Variants in PLEKHA5 observed in about 807,000 individuals in gnomAD.
The protein encoded by PLEKHA5 is pleckstrin homology domain containing A5.
In PLEKHA5, 55 loss-of-function variants were observed where a neutral mutation model predicts 181.9. That is an observed-to-expected ratio of 0.30 (90% CI 0.24 to 0.38). The LOEUF is 0.38. Ranked by LOEUF, PLEKHA5 falls within the 10% of genes least tolerant of loss-of-function variation. The probability of loss-of-function intolerance (pLI) is 1.00; values close to 1 mark genes in which losing one functional copy is unlikely to be tolerated. For missense variants in PLEKHA5, 1,432 were observed against 1,549.5 expected (o/e 0.92, Z 1.27); for synonymous variants, 535 against 529.4 (o/e 1.01, Z -0.15).
chr12:19,137,372 T>C (rs1388743008), intron 3 of PLEKHA5, among the ~76,000 whole-genome samples: 1 of 152,218 alleles, frequency 6.6e-6, no homozygotes, highest in Non-Finnish European at 1.5e-5. Context: ...AAATTTTGAT[T>C]ACTAGAGCTA....
At chr12:19,363,496 C>CT (rs570959816) in intron 29 of PLEKHA5, among the ~76,000 whole-genome samples, 1,974 of 138,260 alleles carry the variant, frequency 0.014, 22 homozygotes, top group African/African-American at 0.035. Flanking sequence ...AACTAGCCTT[C>CT]TTTTTTTTTT....
intron 3 of PLEKHA5, among the ~76,000 whole-genome samples, chr12:19,142,208 T>A (rs980202824): frequency 6.0e-5 from 9 of 149,576 alleles, no homozygotes; most frequent in Non-Finnish European, 8.9e-5. Flanking sequence ...CAAAAAAAAA[T>A]TGTTTTTTTA....
intron 3 of PLEKHA5, among the ~76,000 whole-genome samples, chr12:19,235,166 C>T (rs749221304): frequency 3.9e-5 from 6 of 152,094 alleles, no homozygotes; most frequent in Non-Finnish European, 8.8e-5. Context: ...ACTGTGTTGG[C>T]TTGCTTATCT....
intron 20 of PLEKHA5, among the ~76,000 whole-genome samples, chr12:19,329,686 T>C (rs1399517917): frequency 1.3e-5 from 2 of 152,288 alleles, no homozygotes; most frequent in East Asian, 3.9e-4. Context: ...AATGTCATCT[T>C]TGTTGCTTCT....
intron 3 of PLEKHA5, among the ~76,000 whole-genome samples, chr12:19,231,766 T>G (rs913534959): frequency 2.0e-5 from 3 of 151,692 alleles, no homozygotes; most frequent in Non-Finnish European, 4.4e-5. Context: ...ATTACTACTA[T>G]ATATTTAATT....
chr12:19,159,545 T>G (rs1228454045), intron 3 of PLEKHA5, among the ~76,000 whole-genome samples: 2 of 152,190 alleles, frequency 1.3e-5, no homozygotes, highest in Non-Finnish European at 2.9e-5. Context: ...GCTGTTCTGT[T>G]ATTCTGTTTA....
intron 3 of PLEKHA5, among the ~76,000 whole-genome samples, chr12:19,247,685 GA>G (rs1180710245): frequency 1.3e-5 from 2 of 151,156 alleles, no homozygotes; most frequent in South Asian, 2.1e-4. Flanking sequence ...TAATAAATAG[GA>G]AAAAAACAAT....
chr12:19,355,387 T>A (rs1220568943), intron 26 of PLEKHA5, among the ~76,000 whole-genome samples: 2 of 139,828 alleles, frequency 1.4e-5, no homozygotes, highest in Non-Finnish European at 3.2e-5. Context: ...GGTTTCACTC[T>A]ATTGCCTGGG....
intron 15 of PLEKHA5, among the ~76,000 whole-genome samples, chr12:19,310,778 T>G (rs1462935651): frequency 6.6e-6 from 1 of 152,120 alleles, no homozygotes; most frequent in African/African-American, 2.4e-5. Context: ...GCGTGGTTTT[T>G]TGTTTTTTTG....
intron 3 of PLEKHA5, among the ~76,000 whole-genome samples, chr12:19,231,173 G>T (rs1436762926): frequency 6.6e-6 from 1 of 151,958 alleles, no homozygotes; most frequent in East Asian, 1.9e-4. Flanking sequence ...TTTCTTTGAG[G>T]CCTGTTTTTT....
chr12:19,242,380 A>G (rs1272078495), intron 3 of PLEKHA5, among the ~76,000 whole-genome samples: 1 of 152,088 alleles, frequency 6.6e-6, no homozygotes, highest in African/African-American at 2.4e-5. Context: ...CTGGGACTAC[A>G]GATGGGCGCC....
At chr12:19,326,020 T>TAAATA (rs1239897328) in intron 20 of PLEKHA5, among the ~76,000 whole-genome samples, 12 of 151,790 alleles carry the variant, frequency 7.9e-5, no homozygotes, top group African/African-American at 2.4e-4. Context: ...AAAAATAAAA[T>TAAATA]AAATAAAATA....
chr12:19,165,435 C>CTGT (rs1349941554), intron 3 of PLEKHA5, among the ~76,000 whole-genome samples: 1 of 143,854 alleles, frequency 7.0e-6, no homozygotes, highest in Admixed American at 7.3e-5. Context: ...TCTGTGTACT[C>CTGT]TATTTTTTTT....
chr12:19,179,816 C>T (rs2048146497), intron 3 of PLEKHA5, among the ~76,000 whole-genome samples: 1 of 152,058 alleles, frequency 6.6e-6, no homozygotes, highest in African/African-American at 2.4e-5. Context: ...TGTAAAGACA[C>T]ACAATAATAA....
chr12:19,275,663 G>A (rs976395587), intron 11 of PLEKHA5, among the ~76,000 whole-genome samples: 7 of 152,092 alleles, frequency 4.6e-5, no homozygotes, highest in Non-Finnish European at 1.0e-4. Context: ...CTACTTGGGG[G>A]AAGTTGAAGT....
rs965150447 is a variant in PLEKHA5 at position 19,283,687 on chromosome 12, C to T, written c.1721C>T (p.Ser574Leu). The T allele has an allele frequency of 3.7e-6, 6 of 1,613,982 alleles. No individual in the cohort carries two copies. The highest frequency in any genetic ancestry group is 4.2e-6 in the Non-Finnish European group (5 of 1,180,016). ...CGAACTTACAGATCGGAAGTGTCTT[C>T]ACCAATTCAGAGAGGAGATGTGACA... is the stretch of plus-strand genomic sequence containing the variant. ...PQRTYRSEVSSPIQRGDVTID... is the reference protein window; with the variant it reads ...PQRTYRSEVSLPIQRGDVTID... Residue 574 changes from serine (S) to leucine (L), a missense_variant, in exon 12 of 32, where the codon TCA (serine) becomes TTA (leucine). Coordinates refer to ENST00000429027, the MANE Select transcript of PLEKHA5 (RefSeq NM_001256470.2).
chr12:19,272,338 G>C (rs1292653479), intron 10 of PLEKHA5, among the ~76,000 whole-genome samples: 1 of 152,014 alleles, frequency 6.6e-6, no homozygotes, highest in Non-Finnish European at 1.5e-5. Context: ...TTCTGAGTCA[G>C]CTTTGTTCCA....
intron 3 of PLEKHA5, among the ~76,000 whole-genome samples, chr12:19,159,783 A>C (rs1365852112): frequency 6.6e-6 from 1 of 152,194 alleles, no homozygotes; most frequent in African/African-American, 2.4e-5. Context: ...TTAATTTGAA[A>C]AATTGAAATA....
intron 28 of PLEKHA5, among the ~76,000 whole-genome samples, chr12:19,360,815 G>A (rs946744205): frequency 1.3e-5 from 2 of 151,782 alleles, no homozygotes; most frequent in East Asian, 4.0e-4. Flanking sequence ...GAGTACAGTG[G>A]CGTGATCTTG....
Sources: gnomAD v4.1 joint callset for allele counts (sites outside exome capture counted in the v4.1 genomes callset) on GRCh38, gnomAD v4.1.1 for gene constraint, MANE v1.5 for transcripts, NCBI Gene and HGNC (gene_info 2026-07-23, HGNC 2026-07-21) for gene names.